TMEM135: variants seen among roughly 807,000 people sequenced by gnomAD.
The protein encoded by TMEM135 is transmembrane protein 135, also known as peroxisomal membrane protein 52.
A neutral mutation model predicts 60.3 loss-of-function variants in TMEM135; 30 were observed. The ratio of observed to expected loss-of-function variants is 0.50; its 90% CI spans 0.37 to 0.68. TMEM135 has a LOEUF of 0.68. TMEM135 is among the 30% of genes least tolerant of loss of function. TMEM135 has a pLI of 0.00. For missense variants in TMEM135, 468 were observed against 548.8 expected (o/e 0.85, Z 1.47); for synonymous variants, 190 against 186.7 (o/e 1.02, Z -0.14).
chr11:87,187,633 G>A (rs960370290), intron 5 of TMEM135, among the ~76,000 whole-genome samples: 1 of 152,190 alleles, frequency 6.6e-6, no homozygotes, highest in South Asian at 2.1e-4. Context: ...GTATGCACTT[G>A]TGTGTGAACG....
At chr11:87,040,898 G>A (rs1163883830) in intron 1 of TMEM135, among the ~76,000 whole-genome samples, 1 of 152,094 alleles carries the variant, frequency 6.6e-6, no homozygotes, top group African/African-American at 2.4e-5. Context: ...GGTGGGTAGG[G>A]AAGGCCTCTT....
chr11:87,328,206 T>C lies in TMEM135; in HGVS notation c.*6873T>C, dbSNP rs1210252886. ...GATCAGATCTCAGTTTCATTTCCCATTATATCCTTCTCTCTCTTGATTTAG... is the reference window on the plus strand; with the variant it reads ...GATCAGATCTCAGTTTCATTTCCCACTATATCCTTCTCTCTCTTGATTTAG... On this transcript the variant is annotated 3_prime_UTR_variant, in exon 15 of 15. Coordinates refer to ENST00000305494, the MANE Select transcript of TMEM135 (RefSeq NM_022918.4). 2.2e-6 allele frequency: 1 copy of C among 453,962 alleles called. No individual in the cohort carries two copies. Among genetic ancestry groups the C allele is most frequent in the Non-Finnish European group, 4.4e-6 (1 of 226,796 alleles). The allele number at this position is 453,962 out of a possible 1,614,324, so 28.1% of individuals were successfully genotyped here.
intron 5 of TMEM135, among the ~76,000 whole-genome samples, chr11:87,234,038 T>C (rs756691921): frequency 3.3e-5 from 5 of 152,134 alleles, no homozygotes; most frequent in Non-Finnish European, 7.4e-5. Flanking sequence ...GTTTTTAGCA[T>C]CTTTAACTAA....
intron 6 of TMEM135, among the ~76,000 whole-genome samples, chr11:87,245,885 C>T (rs1168305884): frequency 1.2e-5 from 1 of 80,500 alleles, no homozygotes; most frequent in African/African-American, 4.7e-5. Context: ...TGAATTTGAT[C>T]CTGTCATTAT....
chr11:87,245,050 A>G (rs182021678), intron 6 of TMEM135, among the ~76,000 whole-genome samples: 82,422 of 129,836 alleles, frequency 0.63, 27,165 homozygotes, highest in Non-Finnish European at 0.7. Flanking sequence ...GGTATGTTGT[A>G]TCTTTGTTCT....
At chr11:87,191,982 C>CTTTTTTTTTTTTTTTTTTTTTT (rs767550753) in intron 5 of TMEM135, among the ~76,000 whole-genome samples, 7 of 93,980 alleles carry the variant, frequency 7.4e-5, no homozygotes, top group African/African-American at 2.7e-4. Flanking sequence ...CTTTTCTTTT[C>CTTTTTTTTTTTTTTTTTTTTTT]TTTTCTTTTT....
At chr11:87,079,891 G>A (rs1452703726) in intron 3 of TMEM135, among the ~76,000 whole-genome samples, 1 of 145,516 alleles carries the variant, frequency 6.9e-6, no homozygotes, top group Non-Finnish European at 1.5e-5. Flanking sequence ...GCCCAGGCTG[G>A]AGTGCAGTGG....
intron 7 of TMEM135, among the ~76,000 whole-genome samples, chr11:87,301,076 A>G (rs1230143611): frequency 2.0e-5 from 3 of 152,230 alleles, no homozygotes. Context: ...GACAGCTACC[A>G]AAGATTCACA....
chr11:87,234,769 T>C (rs1940959304), intron 5 of TMEM135, among the ~76,000 whole-genome samples: 1 of 152,076 alleles, frequency 6.6e-6, no homozygotes, highest in Non-Finnish European at 1.5e-5. Flanking sequence ...CTCTAAAGCT[T>C]GAGTTCTTAA....
At chr11:87,299,944 C>T (rs951861102) in intron 7 of TMEM135, among the ~76,000 whole-genome samples, 5 of 151,524 alleles carry the variant, frequency 3.3e-5, no homozygotes, top group Admixed American at 1.3e-4. Flanking sequence ...CTGGTGGGGG[C>T]GAGTGGGAAT....
At chr11:87,195,864 G>A (rs1939944506) in intron 5 of TMEM135, among the ~76,000 whole-genome samples, 1 of 152,138 alleles carries the variant, frequency 6.6e-6, no homozygotes, top group African/African-American at 2.4e-5. Context: ...AAGCATTTGG[G>A]TAATAGTTTA....
intron 5 of TMEM135, among the ~76,000 whole-genome samples, chr11:87,226,237 A>G (rs1468293747): frequency 6.6e-6 from 1 of 152,228 alleles, no homozygotes; most frequent in Non-Finnish European, 1.5e-5. Flanking sequence ...TACATGGTAA[A>G]TAGAGATGTG....
chr11:87,041,980 G>A (rs527429055), intron 1 of TMEM135, among the ~76,000 whole-genome samples: 148 of 152,354 alleles, frequency 9.7e-4, no homozygotes, highest in Non-Finnish European at 1.8e-3. Flanking sequence ...ACAAGCTGGT[G>A]TAGGGACCAA....
intron 6 of TMEM135, chr11:87,258,714 G>A (rs1941582078): frequency 7.7e-6 from 3 of 390,226 alleles, no homozygotes; most frequent in Non-Finnish European, 1.5e-5. Context: ...GAGACAATGT[G>A]GGGAGATTTC....
chr11:87,200,770 T>C (rs916508108), intron 5 of TMEM135, among the ~76,000 whole-genome samples: 9 of 152,214 alleles, frequency 5.9e-5, no homozygotes, highest in Non-Finnish European at 1.0e-4. Context: ...CTGTTATCCA[T>C]TGAGCCTTCC....
chr11:87,275,295 G>T (rs1941948285), intron 6 of TMEM135, among the ~76,000 whole-genome samples: 1 of 152,002 alleles, frequency 6.6e-6, no homozygotes, highest in African/African-American at 2.4e-5. Context: ...AAAGTGAGAT[G>T]CAGAAAAAGG....
chr11:87,283,761 G>C (rs915404628), intron 6 of TMEM135, among the ~76,000 whole-genome samples: 3 of 152,042 alleles, frequency 2.0e-5, no homozygotes, highest in Admixed American at 6.6e-5. Flanking sequence ...GGGAGGCTGA[G>C]GCAGAGAACT....
At position 87,326,911 on chromosome 11, in the gene TMEM135, CTTT is replaced by C. The variant is rs11332885; in HGVS notation, c.*5595_*5597del. 16,192 of 377,946 alleles carry C rather than the reference CTTT, an allele frequency of 0.043. 8 individuals carry two copies. Among genetic ancestry groups the C allele is most frequent in the South Asian group, 0.068 (3,537 of 52,296 alleles). 23.4% of individuals were successfully genotyped at this position (377,946 alleles called of 1,614,324 possible). A position where few individuals can be genotyped will look rare whatever the true frequency, so the allele number is the denominator to read the frequency against. ...AGGCATCATTGAATCATCTGAGGAC[CTTT>C]TTTTTTTTTTTTTTTTCACTAAAAC... On this transcript the variant is annotated 3_prime_UTR_variant, in exon 15 of 15. Transcript: ENST00000305494.
intron 4 of TMEM135, among the ~76,000 whole-genome samples, chr11:87,144,376 C>T (rs1459172166): frequency 6.6e-6 from 1 of 152,162 alleles, no homozygotes; most frequent in African/African-American, 2.4e-5. Context: ...TCTGTTGCAA[C>T]TATTCAATTC....
Sources: gnomAD v4.1 joint callset for allele counts (sites outside exome capture counted in the v4.1 genomes callset) on GRCh38, gnomAD v4.1.1 for gene constraint, MANE v1.5 for transcripts, NCBI Gene and HGNC (gene_info 2026-07-23, HGNC 2026-07-21) for gene names.